DNAAF11: variants seen among roughly 807,000 people sequenced by gnomAD.
DNAAF11 encodes leucine rich repeat containing 6.
In DNAAF11, 45 loss-of-function variants were observed where a neutral mutation model predicts 60.8. The observed-to-expected ratio is 0.74, with a 90% CI of 0.58 to 0.95. The LOEUF is 0.95. Ranked by LOEUF, DNAAF11 falls within the 40% of genes least tolerant of loss-of-function variation. The pLI is 0.00. For missense variants in DNAAF11, 546 were observed against 546.2 expected (o/e 1.00, Z 0.00); for synonymous variants, 191 against 183.5 (o/e 1.04, Z -0.33).
At chr8:132,609,130 T>C (rs774500157) in intron 10 of DNAAF11, among the ~76,000 whole-genome samples, 23 of 152,136 alleles carry the variant, frequency 1.5e-4, no homozygotes, top group Non-Finnish European at 2.6e-4. Flanking sequence ...GTATGATTAA[T>C]AGAAACCAAT....
At chr8:132,690,344 G>A in the DNAAF11 span, among the ~76,000 whole-genome samples, 3 of 152,064 alleles carry the variant, frequency 2.0e-5, no homozygotes, top group Non-Finnish European at 4.4e-5. Context: ...GGTTTTATAA[G>A]TGTTTGGAAG....
At chr8:132,690,285 A>G in the DNAAF11 span, among the ~76,000 whole-genome samples, 1 of 152,198 alleles carries the variant, frequency 6.6e-6, no homozygotes, top group Non-Finnish European at 1.5e-5. Flanking sequence ...ATCATGGGGC[A>G]GTTTCCCCCA....
At chr8:132,627,800 G>A (rs926917326) in intron 5 of DNAAF11, among the ~76,000 whole-genome samples, 6 of 152,128 alleles carry the variant, frequency 3.9e-5, no homozygotes, top group Non-Finnish European at 4.4e-5. Flanking sequence ...TGAATGAGGA[G>A]AAGAATGTGA....
chr8:132,685,727 A>G, the DNAAF11 span, among the ~76,000 whole-genome samples: 2 of 152,214 alleles, frequency 1.3e-5, no homozygotes, highest in African/African-American at 4.8e-5. Flanking sequence ...TGCCTTAATG[A>G]AGAAGACTGA....
At chr8:132,652,316 C>A (rs1823098191) in intron 3 of DNAAF11, among the ~76,000 whole-genome samples, 2 of 152,160 alleles carry the variant, frequency 1.3e-5, no homozygotes, top group Admixed American at 1.3e-4. Flanking sequence ...CCTAATACAC[C>A]AAATCCTTTG....
the DNAAF11 span, among the ~76,000 whole-genome samples, chr8:132,691,532 G>A: frequency 1.7e-4 from 26 of 152,074 alleles, no homozygotes; most frequent in East Asian, 5.8e-4. Context: ...CCTGAGACTC[G>A]GCAATTTATA....
At chr8:132,599,908 G>A (rs992938914) in intron 10 of DNAAF11, among the ~76,000 whole-genome samples, 1 of 152,128 alleles carries the variant, frequency 6.6e-6, no homozygotes, top group African/African-American at 2.4e-5. Flanking sequence ...ACATAGTGTT[G>A]GAAGTTCTAG....
At chr8:132,669,625 A>G (rs1824978447) in intron 1 of DNAAF11, among the ~76,000 whole-genome samples, 2 of 152,192 alleles carry the variant, frequency 1.3e-5, no homozygotes, top group African/African-American at 4.8e-5. Context: ...TCCTGAAACC[A>G]GAGGACAGAG....
chr8:132,636,810 T>C (rs572854757), intron 4 of DNAAF11, among the ~76,000 whole-genome samples: 1 of 152,238 alleles, frequency 6.6e-6, no homozygotes, highest in Non-Finnish European at 1.5e-5. Context: ...TTCAATTACT[T>C]GAATCACTCA....
the DNAAF11 span, among the ~76,000 whole-genome samples, chr8:132,681,003 C>CTTT: frequency 1.0e-3 from 54 of 52,328 alleles, 12 homozygotes; most frequent in African/African-American, 4.2e-3. Context: ...ATAACTATTC[C>CTTT]TTTTTTTTTT....
intron 5 of DNAAF11, among the ~76,000 whole-genome samples, chr8:132,627,979 G>GCTC (rs1820442247): frequency 6.6e-6 from 1 of 152,024 alleles, no homozygotes; most frequent in South Asian, 2.1e-4. Flanking sequence ...ATACTTCCTG[G>GCTC]CTCCTTTTGT....
chr8:132,631,047 G>C (rs1820749055), intron 5 of DNAAF11, among the ~76,000 whole-genome samples: 1 of 152,200 alleles, frequency 6.6e-6, no homozygotes. Flanking sequence ...TTTCATACCT[G>C]AACAAGGAGA....
chr8:132,622,783 G>A, intron 6 of DNAAF11, 95 bp from the exon 7 acceptor site: 1 of 880,872 alleles, frequency 1.1e-6, no homozygotes, highest in South Asian at 1.5e-5. Flanking sequence ...TTGTGAAACA[G>A]TTTTAAAAAA....
chr8:132,637,147 A>C (rs536537208), intron 4 of DNAAF11, among the ~76,000 whole-genome samples: 7 of 152,308 alleles, frequency 4.6e-5, no homozygotes, highest in African/African-American at 1.4e-4. Context: ...TAACATACGC[A>C]GTAGTGGTTG....
chr8:132,666,286 G>T (rs371746332), intron 1 of DNAAF11, among the ~76,000 whole-genome samples: 2 of 152,222 alleles, frequency 1.3e-5, no homozygotes, highest in African/African-American at 4.8e-5. Context: ...CTAGAAGGAC[G>T]ATATTGAAAG....
intron 4 of DNAAF11, among the ~76,000 whole-genome samples, chr8:132,637,166 G>C (rs1821387681): frequency 1.3e-5 from 2 of 152,310 alleles, no homozygotes; most frequent in South Asian, 4.1e-4. Context: ...TGTCAAATGA[G>C]GTTCCTGCAC....
rs1047539556 is a variant in DNAAF11 at position 132,582,155 on chromosome 8, G to T, written c.1226+1539C>A. ...GAGCAGCTTTAATGGGCAGCTGCTT[G>T]GTTAATGGGGTTGCCCAGCCTGAAG... On this transcript the variant is annotated intron_variant, in intron 11 of 11. Coordinates refer to ENST00000620350, the MANE Select transcript of DNAAF11 (RefSeq NM_012472.6). Among the ~76,000 whole-genome samples the T allele has an allele frequency of 8.5e-5, 13 of 152,310 alleles. No individual in the cohort carries two copies. The South Asian group carries it at 1.0e-3, about 12-fold the overall frequency.
the DNAAF11 span, among the ~76,000 whole-genome samples, chr8:132,699,033 G>A: frequency 2.2e-3 from 330 of 151,402 alleles, 1 homozygote; most frequent in African/African-American, 7.7e-3. Flanking sequence ...GGAAGCTGAG[G>A]CAGAAGAATT....
chr8:132,613,908 T>C (rs898058753), intron 8 of DNAAF11, among the ~76,000 whole-genome samples: 2 of 152,248 alleles, frequency 1.3e-5, no homozygotes, highest in African/African-American at 4.8e-5. Context: ...AATTCATGCA[T>C]GTAAACATTC....
Sources: gnomAD v4.1 joint callset for allele counts (sites outside exome capture counted in the v4.1 genomes callset) on GRCh38, gnomAD v4.1.1 for gene constraint, MANE v1.5 for transcripts, NCBI Gene and HGNC (gene_info 2026-07-23, HGNC 2026-07-21) for gene names.